PTPRM: variants seen among roughly 807,000 people sequenced by gnomAD.
The protein encoded by PTPRM is protein tyrosine phosphatase receptor type M, also known as receptor-type tyrosine-protein phosphatase mu.
A neutral mutation model predicts 186.7 loss-of-function variants in PTPRM; 47 were observed. The observed-to-expected ratio is 0.25, with a 90% CI of 0.20 to 0.32. The LOEUF (loss-of-function observed/expected upper bound fraction) is 0.32. Among genes scored for constraint, PTPRM ranks in the 10% least tolerant of loss-of-function variants. PTPRM has a pLI of 1.00. For missense variants in PTPRM, 1,494 were observed against 1,865.0 expected (o/e 0.80, Z 3.66); for synonymous variants, 668 against 674.9 (o/e 0.99, Z 0.16).
At chr18:8,026,812 T>G (rs992836061) in intron 7 of PTPRM, among the ~76,000 whole-genome samples, 3 of 151,922 alleles carry the variant, frequency 2.0e-5, no homozygotes, top group African/African-American at 7.3e-5. Context: ...GAGCCAAGAT[T>G]GTGCCACGGC....
intron 1 of PTPRM, among the ~76,000 whole-genome samples, chr18:7,713,057 A>C (rs1210738217): frequency 1.3e-5 from 2 of 152,190 alleles, no homozygotes; most frequent in African/African-American, 4.8e-5. Context: ...CAACCCCAAG[A>C]CACATAATTT....
At chr18:8,153,502 T>A (rs1448367703) in intron 14 of PTPRM, among the ~76,000 whole-genome samples, 4 of 152,218 alleles carry the variant, frequency 2.6e-5, no homozygotes, top group Non-Finnish European at 5.9e-5. Flanking sequence ...AGGGTTGTCT[T>A]CACAGCATGT....
chr18:7,601,030 G>A (rs1039002636), intron 1 of PTPRM, among the ~76,000 whole-genome samples: 1 of 152,202 alleles, frequency 6.6e-6, no homozygotes, highest in African/African-American at 2.4e-5. Context: ...GAGCCCCGGA[G>A]CCCCTCTGTT....
At chr18:8,207,542 C>T (rs1206527748) in intron 14 of PTPRM, among the ~76,000 whole-genome samples, 5 of 151,994 alleles carry the variant, frequency 3.3e-5, no homozygotes, top group African/African-American at 1.2e-4. Flanking sequence ...GAATTCATGA[C>T]ATAGAGAAAT....
chr18:7,918,333 G>A (rs1378207703), intron 4 of PTPRM, among the ~76,000 whole-genome samples: 1 of 152,066 alleles, frequency 6.6e-6, no homozygotes, highest in African/African-American at 2.4e-5. Flanking sequence ...CATAGGGGCT[G>A]TACTAATTTA....
intron 1 of PTPRM, among the ~76,000 whole-genome samples, chr18:7,685,459 A>G (rs2039580316): frequency 6.6e-6 from 1 of 152,236 alleles, no homozygotes. Flanking sequence ...AGAACTATTT[A>G]TATCCAGACT....
intron 1 of PTPRM, 21 bp from the exon 2 acceptor site, chr18:7,774,128 T>A: frequency 6.3e-7 from 1 of 1,597,386 alleles, no homozygotes; most frequent in Non-Finnish European, 8.6e-7. Context: ...TTACATTACT[T>A]TTTATTCTTT....
At chr18:8,400,767 A>G (rs189318433) in intron 32 of PTPRM, among the ~76,000 whole-genome samples, 1 of 152,146 alleles carries the variant, frequency 6.6e-6, no homozygotes, top group Admixed American at 6.5e-5. Flanking sequence ...TACAAAATGC[A>G]ATGTGGTGTG....
chr18:7,714,605 AATAG>A (rs200876365), intron 1 of PTPRM, among the ~76,000 whole-genome samples: 2,844 of 152,118 alleles, frequency 0.019, 81 homozygotes, highest in East Asian at 0.1. Flanking sequence ...AGATCAACAA[AATAG>A]ATAGACCACT....
chr18:8,367,050 A>G (rs924930472), intron 23 of PTPRM: 1 of 152,070 alleles, frequency 6.6e-6, no homozygotes, highest in African/African-American at 2.4e-5. Flanking sequence ...ACAGGAAGCG[A>G]CTGCGAGCCC....
In PTPRM at chr18:8,337,826, G is replaced by T. The variant is rs564700525; in HGVS notation, c.2957-5597G>T. ...GATAGATGGTCAGGGAGGGGCAGGT[G>T]CCCTGACACAGTCCAGGCACAGACT... On this transcript the variant is annotated intron_variant, in intron 22 of 32. Transcript: ENST00000580170. Among the ~76,000 whole-genome samples the T allele has an allele frequency of 9.2e-5, 14 of 152,294 alleles. No homozygotes were observed. The South Asian group carries it at 2.9e-3, about 32-fold the overall frequency.
intron 1 of PTPRM, chr18:7,749,567 C>G (rs2041112184): frequency 6.6e-6 from 1 of 152,072 alleles, no homozygotes; most frequent in Non-Finnish European, 1.5e-5. Context: ...CATGTCCTGA[C>G]CTCTGTAGGA....
At chr18:7,964,899 G>C (rs1199797409) in intron 7 of PTPRM, among the ~76,000 whole-genome samples, 2 of 152,132 alleles carry the variant, frequency 1.3e-5, no homozygotes, top group Non-Finnish European at 2.9e-5. Context: ...CAAAAAAATA[G>C]AATAACTGCA....
rs1446326423 is a variant in PTPRM at position 8,126,019 on chromosome 18, A to ATTTTTT, written c.2167+11193_2167+11194insTTTTTT. Among the ~76,000 whole-genome samples the ATTTTTT allele has an allele frequency of 1.3e-3, 40 of 31,866 alleles. 2 individuals are homozygous for ATTTTTT. The highest frequency in any genetic ancestry group is 0.022 in the Middle Eastern group (1 of 46). The allele number at this position is 31,866 out of a possible 152,430, so 20.9% of individuals were successfully genotyped here. A position where few individuals can be genotyped will look rare whatever the true frequency, so the allele number is the denominator to read the frequency against. On this transcript the variant is annotated intron_variant, in intron 13 of 32. Coordinates refer to ENST00000580170, the MANE Select transcript of PTPRM (RefSeq NM_001105244.2). ...TATATATATATATATATATATATAT[A>ATTTTTT]TATATATATTTTAAATCAGTAGACC...
intron 24 of PTPRM, among the ~76,000 whole-genome samples, chr18:8,375,799 T>G (rs2095690855): frequency 6.6e-6 from 1 of 152,208 alleles, no homozygotes; most frequent in Non-Finnish European, 1.5e-5. Flanking sequence ...TTTGCTGGAA[T>G]TACACCTAAA....
At chr18:7,787,367 G>T (rs2043141187) in intron 2 of PTPRM, among the ~76,000 whole-genome samples, 1 of 152,218 alleles carries the variant, frequency 6.6e-6, no homozygotes, top group African/African-American at 2.4e-5. Context: ...GTTGTTGAAT[G>T]ACTGCTTCCA....
At chr18:8,168,383 T>C (rs2093352704) in intron 14 of PTPRM, among the ~76,000 whole-genome samples, 1 of 152,218 alleles carries the variant, frequency 6.6e-6, no homozygotes, top group Non-Finnish European at 1.5e-5. Flanking sequence ...TTGTAATTGT[T>C]ACAAAATATG....
intron 23 of PTPRM, among the ~76,000 whole-genome samples, chr18:8,349,399 A>G (rs2095522352): frequency 6.6e-6 from 1 of 152,218 alleles, no homozygotes; most frequent in Non-Finnish European, 1.5e-5. Flanking sequence ...TTGAGCACTC[A>G]CTGTTACTTT....
chr18:8,043,898 C>T (rs1648308839), intron 7 of PTPRM, among the ~76,000 whole-genome samples: 1 of 152,040 alleles, frequency 6.6e-6, no homozygotes. Context: ...AGGGTTAATC[C>T]ATGTGAAACC....
Sources: allele counts gnomAD v4.1 joint callset (sites outside exome capture counted in the v4.1 genomes callset), GRCh38; gene constraint gnomAD v4.1.1; transcripts MANE v1.5; gene names NCBI Gene and HGNC (gene_info 2026-07-23, HGNC 2026-07-21).